BHLHE40: variants seen among roughly 807,000 people sequenced by gnomAD.
The protein encoded by BHLHE40 is basic helix-loop-helix family member e40, also known as class E basic helix-loop-helix protein 40.
Under a neutral mutation model 35.7 loss-of-function variants are expected in BHLHE40, and 3 were observed. The observed-to-expected ratio is 0.08, with a 90% confidence interval of 0.04 to 0.22. BHLHE40 has a LOEUF of 0.22. Ranked by LOEUF, BHLHE40 falls within the 10% of genes least tolerant of loss-of-function variation. BHLHE40 has a pLI of 1.00. For missense variants in BHLHE40, 486 were observed against 524.0 expected (o/e 0.93, Z 0.71); for synonymous variants, 236 against 213.0 (o/e 1.11, Z -0.94).
At chr3:4,980,705 C>T (rs1456041409) in intron 3 of BHLHE40, among the ~76,000 whole-genome samples, 2 of 152,140 alleles carry the variant, frequency 1.3e-5, no homozygotes, top group Non-Finnish European at 2.9e-5. Context: ...CTTAAAGGAA[C>T]ACGCCAAGAA....
intron 3 of BHLHE40, among the ~76,000 whole-genome samples, chr3:4,981,163 A>T (rs2053191254): frequency 1.6e-5 from 2 of 128,852 alleles, no homozygotes; most frequent in African/African-American, 3.0e-5. Flanking sequence ...TTATTTAATT[A>T]TATATATATA....
chr3:4,981,449 G>T lies in BHLHE40; in HGVS notation c.316G>T (p.Ala106Ser). Residue 106 changes from alanine to serine, a missense_variant, in exon 4 of 5, where the codon GCA becomes TCA. By Grantham distance (99) the Ala-to-Ser change is moderately conservative (BLOSUM62 1). Around this residue, in one of 5 missense-constraint regions of BHLHE40, gnomAD observed 176 missense variants for 180.5 expected, o/e 0.98. Coordinates refer to ENST00000256495, the MANE Select transcript of BHLHE40 (RefSeq NM_003670.3). ...TGAACTTACCTTGAAGCATGTGAAA[G>T]CACTAACAAACCTAATTGATCAGCA... ...VLELTLKHVK[A>S]LTNLIDQQQQ... 1 of 1,614,086 alleles carries T rather than the reference G, an allele frequency of 6.2e-7. No homozygotes were observed. Among genetic ancestry groups the T allele is most frequent in the Non-Finnish European group, 8.5e-7 (1 of 1,180,004 alleles).
At position 4,979,665 on chromosome 3, in the gene BHLHE40, C is replaced by G. The variant is rs1177232079; in HGVS notation, c.-54C>G. ...AGCCCTCTCCAGGGCAGTCCTCATC[C>G]AGACGCTCCGCTAGTGCAGACAGGA... On this transcript the variant is annotated 5_prime_UTR_variant, in exon 1 of 5. Transcript: ENST00000256495. 3.2e-5 allele frequency: 49 copies of G among 1,541,680 alleles called. No homozygotes were observed. The highest frequency in any genetic ancestry group is 4.3e-5 in the Non-Finnish European group (49 of 1,140,408).
At chr3:4,982,164 T>G (rs1164738489) in intron 4 of BHLHE40, among the ~76,000 whole-genome samples, 1 of 152,232 alleles carries the variant, frequency 6.6e-6, no homozygotes, top group Admixed American at 6.5e-5. Context: ...ATTTCATGCT[T>G]GTCTGCCTTC....
chr3:4,983,950 A>G lies in BHLHE40; in HGVS notation c.*258A>G. 2 of 487,776 alleles carry G rather than the reference A, an allele frequency of 4.1e-6. No homozygotes were observed. Among genetic ancestry groups the G allele is most frequent in the Non-Finnish European group, 7.2e-6 (2 of 277,848 alleles). The allele number at this position is 487,776 out of a possible 1,614,324, so 30.2% of individuals were successfully genotyped here. ...AAGTCACGAAGGATTGCTTGACATC[A>G]GGAGACTTGGGGGGGATTGTAGCAG... On this transcript the variant is annotated 3_prime_UTR_variant, in exon 5 of 5. Coordinates refer to ENST00000256495, the MANE Select transcript of BHLHE40 (RefSeq NM_003670.3). This position sits in a 1 kb window ranked among gnomAD's most constrained non-coding sequence, Gnocchi z 5.0.
chr3:4,984,973 ATTAC>A lies in BHLHE40; in HGVS notation c.*1284_*1287del, dbSNP rs1415689848. 2.0e-5 allele frequency: 3 copies of A among 152,220 alleles called. No individual in the cohort carries two copies. The highest frequency in any genetic ancestry group is 4.4e-5 in the Non-Finnish European group (3 of 67,976). 9.4% of individuals were successfully genotyped at this position (152,220 alleles called of 1,614,324 possible). On this transcript the variant is annotated 3_prime_UTR_variant, in exon 5 of 5. Coordinates refer to ENST00000256495, the MANE Select transcript of BHLHE40 (RefSeq NM_003670.3). Reference sequence around the variant, plus strand: ...AATGTTTCAGATGTTTATTTGTATAATTACTTGATTCACACAGTGAGAAAAAATG... The same window carrying A: ...AATGTTTCAGATGTTTATTTGTATAATTGATTCACACAGTGAGAAAAAATG...
At chr3:4,980,213 C>T (rs1371772688) in intron 2 of BHLHE40, 88 bp from the exon 3 acceptor site, 7 of 1,274,858 alleles carry the variant, frequency 5.5e-6, no homozygotes, top group African/African-American at 1.5e-5. Context: ...CTACTCTGCT[C>T]CTCTGCCGGA....
intron 3 of BHLHE40, among the ~76,000 whole-genome samples, 173 bp from the exon 4 acceptor site, chr3:4,981,209 CACACACACAT>C (rs1424194617): frequency 3.2e-4 from 36 of 112,322 alleles, no homozygotes; most frequent in African/African-American, 8.4e-4. Context: ...CACACACACA[CACACACACAT>C]ATATGAGTGT....
In BHLHE40 at chr3:4,983,269, A is replaced by G. The variant is rs1417982163; in HGVS notation, c.816A>G (p.Gly272=). The change falls in exon 5 of 5, where the codon GGA becomes GGG. Residue 272 remains glycine, a synonymous_variant. Coordinates refer to ENST00000256495, the MANE Select transcript of BHLHE40 (RefSeq NM_003670.3). This position sits in a 1 kb window ranked among gnomAD's most constrained non-coding sequence, Gnocchi z 5.0. ...ACCACGGACGCAGGTTCACGATGGGAGAAAGGATCGGCGCAATTAAGCAAG... is the reference window on the plus strand; with the variant it reads ...ACCACGGACGCAGGTTCACGATGGGGGAAAGGATCGGCGCAATTAAGCAAG... ...KSDHGRRFTM[G]ERIGAIKQES... 1 of 1,614,194 alleles carries G rather than the reference A, an allele frequency of 6.2e-7. No individual in the cohort carries two copies. The highest frequency in any genetic ancestry group is 1.3e-5 in the African/African-American group (1 of 75,050).
intron 3 of BHLHE40, among the ~76,000 whole-genome samples, chr3:4,981,139 C>T (rs1168238895): frequency 6.7e-6 from 1 of 149,050 alleles, no homozygotes; most frequent in South Asian, 2.1e-4. Context: ...ACAGGTGGCA[C>T]CCGTTTTTTT....
chr3:4,983,004 A>G lies in BHLHE40; in HGVS notation c.551A>G (p.Gln184Arg). 1 of 1,613,568 alleles carries G rather than the reference A, an allele frequency of 6.2e-7. No individual in the cohort carries two copies. The highest frequency in any genetic ancestry group is 8.5e-7 in the Non-Finnish European group (1 of 1,179,514). Residue 184 changes from glutamine (Q) to arginine (R), a missense_variant, in exon 5 of 5, where the codon CAG becomes CGG. Physicochemically the swap from Gln to Arg is conservative, Grantham distance 43. Around this residue, in one of 5 missense-constraint regions of BHLHE40, gnomAD observed 176 missense variants for 180.5 expected, o/e 0.98. Coordinates refer to ENST00000256495, the MANE Select transcript of BHLHE40 (RefSeq NM_003670.3). This position sits in a 1 kb window ranked among gnomAD's most constrained non-coding sequence, Gnocchi z 5.0. Reference protein sequence around the residue: ...HLHRVVSELLQGGTSRKPSDP... With the variant: ...HLHRVVSELLRGGTSRKPSDP... ...CACCGGGTGGTCTCGGAGCTGCTGC[A>G]GGGTGGTACCTCCAGGAAGCCATCA... is the stretch of plus-strand genomic sequence containing the variant.
At chr3:4,979,851 C>T in intron 1 of BHLHE40, 53 bp downstream of exon 1, 1 of 1,597,052 alleles carries the variant, frequency 6.3e-7, no homozygotes, top group Non-Finnish European at 8.5e-7. Flanking sequence ...CCATGTTATG[C>T]GCCACTCTCA....
rs78035155 is a variant in BHLHE40, at chr3:4,981,536, T to A, written c.382+21T>A. 1.9e-6 allele frequency: 3 copies of A among 1,612,656 alleles called. No individual in the cohort carries two copies. The Admixed American group carries it at 5.0e-5, about 27-fold the overall frequency. ...AGCTGGTGAGTGCTGATTCTGGCTA[T>A]GCTCTCTTTAAGAGTTTGAGTGCAA... On this transcript the variant is annotated intron_variant, in intron 4 of 4. Coordinates refer to ENST00000256495, the MANE Select transcript of BHLHE40 (RefSeq NM_003670.3).
chr3:4,983,106 A>C lies in BHLHE40; in HGVS notation c.653A>C (p.Asn218Thr). The C allele has an allele frequency of 6.2e-7, 1 of 1,614,104 alleles. No individual in the cohort carries two copies. The highest frequency in any genetic ancestry group is 8.5e-7 in the Non-Finnish European group (1 of 1,180,010). ...AAAGGTTCGGAAGGTCCTGGGAAAA[A>C]CTGCGTGCCAGTCATCCAGCGGACT... ...PAKGSEGPGKNCVPVIQRTFA... is the reference protein window; with the variant it reads ...PAKGSEGPGKTCVPVIQRTFA... The change falls in exon 5 of 5, where the codon AAC becomes ACC. Residue 218 changes from asparagine (N) to threonine (T), a missense_variant. Physicochemically the swap from Asn to Thr is moderately conservative, Grantham distance 65. This residue lies in a region of BHLHE40 where 176 missense variants were observed against 180.5 expected (regional missense o/e 0.98). Coordinates refer to ENST00000256495, the MANE Select transcript of BHLHE40 (RefSeq NM_003670.3). The surrounding 1 kb of genome is among the most constrained non-coding windows in gnomAD (Gnocchi z 5.0).
At position 4,981,296 on chromosome 3, in the gene BHLHE40, C is replaced by CA. The variant is rs1491520198; in HGVS notation, c.259-96_259-95insA. The CA allele has an allele frequency of 2.8e-5, 37 of 1,340,784 alleles. No homozygotes were observed. In the East Asian group the frequency reaches 8.5e-4, roughly 31 times the overall value. The allele number at this position is 1,340,784 out of a possible 1,614,324, so 83.1% of individuals were successfully genotyped here. A position where few individuals can be genotyped will look rare whatever the true frequency, so the allele number is the denominator to read the frequency against. ...CAGCCAACCAGGAAACACTATTCCACTTTTTTTTTTCTTTTCTCATTTCTC... is the reference window on the plus strand; with the variant it reads ...CAGCCAACCAGGAAACACTATTCCACATTTTTTTTTTCTTTTCTCATTTCTC... On this transcript the variant is annotated intron_variant, in intron 3 of 4. Coordinates refer to ENST00000256495, the MANE Select transcript of BHLHE40 (RefSeq NM_003670.3).
At chr3:4,981,201 C>T (rs908440033) in intron 3 of BHLHE40, among the ~76,000 whole-genome samples, 191 bp from the exon 4 acceptor site, 36 of 148,202 alleles carry the variant, frequency 2.4e-4, no homozygotes, top group South Asian at 4.2e-4. Flanking sequence ...CACACACACA[C>T]ACACACACAC....
rs1295967984 is a variant in BHLHE40 at position 4,979,953 on chromosome 3, T to C, written c.81-9T>C. 1.2e-6 allele frequency: 2 copies of C among 1,614,018 alleles called. No homozygotes were observed. Among genetic ancestry groups the C allele is most frequent in the East Asian group, 2.2e-5 (1 of 44,888 alleles). On this transcript the variant is annotated splice_polypyrimidine_tract_variant and intron_variant, in intron 1 of 4. Coordinates refer to ENST00000256495, the MANE Select transcript of BHLHE40 (RefSeq NM_003670.3). ...CAGTCACGACCCTTCCTGGTCTCTC[T>C]TCCTGCAGGATGTACCCTGCCCACA...
rs2053209223 is a variant in BHLHE40, at chr3:4,982,816, T to G, written c.383-20T>G. On this transcript the variant is annotated intron_variant, in intron 4 of 4. Coordinates refer to ENST00000256495, the MANE Select transcript of BHLHE40 (RefSeq NM_003670.3). ...CACAGGCCTTCTGAAACGTTTTCCT[T>G]CGGATTTTTCTTTCCCCAGGTGAGC... 5 of 1,613,518 alleles carry G rather than the reference T, an allele frequency of 3.1e-6. No individual in the cohort carries two copies. Among genetic ancestry groups the G allele is most frequent in the Non-Finnish European group, 4.2e-6 (5 of 1,179,872 alleles).
In BHLHE40 at chr3:4,983,851, TGTGTATGTGC is replaced by T; in HGVS notation, c.*164_*173del. On this transcript the variant is annotated 3_prime_UTR_variant, in exon 5 of 5. Coordinates refer to ENST00000256495, the MANE Select transcript of BHLHE40 (RefSeq NM_003670.3). The surrounding 1 kb of genome is among the most constrained non-coding windows in gnomAD (Gnocchi z 5.0). ...CAGGGTGTGTGTGTGTGTGTGTGTGTGTGTATGTGCGTGTGCGTGCACATGTGTGCCTGCG... is the reference window on the plus strand; with the variant it reads ...CAGGGTGTGTGTGTGTGTGTGTGTGTGTGTGCGTGCACATGTGTGCCTGCG... 9 of 985,106 alleles carry T rather than the reference TGTGTATGTGC, an allele frequency of 9.1e-6. No homozygotes were observed. The highest frequency in any genetic ancestry group is 1.3e-5 in the Non-Finnish European group (9 of 697,138). 61.0% of individuals were successfully genotyped at this position (985,106 alleles called of 1,614,324 possible).
Sources: gnomAD v4.1 joint callset for allele counts (sites outside exome capture counted in the v4.1 genomes callset) on GRCh38, gnomAD v4.1.1 for gene constraint, gnomAD v4.1.1 regional missense constraint, Gnocchi (gnomAD v3.1) non-coding constraint, MANE v1.5 for transcripts, NCBI Gene and HGNC (gene_info 2026-07-23, HGNC 2026-07-21) for gene names.